The following MCF2 variants were observed in gnomAD, a reference collection of about 807,000 sequenced individuals.
MCF2 encodes proto-oncogene DBL.
A neutral mutation model predicts 82.5 loss-of-function variants in MCF2; 44 were observed. That is an observed-to-expected ratio of 0.53 (90% CI 0.42 to 0.69). The LOEUF is 0.69. Ranked by LOEUF, MCF2 falls within the 30% of genes least tolerant of loss-of-function variation. The pLI is 0.00. For missense variants in MCF2, 623 were observed against 663.1 expected, an observed-to-expected ratio of 0.94 and a Z score of 0.66; for synonymous variants, 217 against 224.9, an observed-to-expected ratio of 0.96 and a Z score of 0.32.
At chrX:139,644,302 A>G (rs372461095), upstream of MCF2, among the ~76,000 whole-genome samples, 3 of 112,219 alleles carry the variant, frequency 2.7e-5, no homozygotes, top group East Asian at 8.4e-4. Flanking sequence ...TAGCCATTCC[A>G]AAGTATAAAT....
intron 6 of MCF2, among the ~76,000 whole-genome samples, chrX:139,623,679 C>T (rs1411175872): frequency 6.8e-4 from 22 of 32,394 alleles, no homozygotes; most frequent in African/African-American, 4.1e-3. Flanking sequence ...ACAGTATACC[C>T]ATGTAACAGT....
chrX:139,707,917 T>C (rs1167282107), intron 1 of MCF2, among the ~76,000 whole-genome samples, 189 bp downstream of exon 1: 1 of 111,789 alleles, frequency 8.9e-6, no homozygotes, highest in African/African-American at 3.3e-5. Flanking sequence ...GATACACCTT[T>C]ACAAGAACTG....
Position 139,631,345 on chromosome X carries a change from G to C in MCF2, c.288+50C>G, listed in dbSNP as rs760010487. ...AAAGAATTCTAGAACTAGATTTAAAGGCTAACATGAAGAACTATAGGCTCT... is the reference window on the plus strand; with the variant it reads ...AAAGAATTCTAGAACTAGATTTAAACGCTAACATGAAGAACTATAGGCTCT... On this transcript the variant is annotated intron_variant, in intron 3 of 24. Coordinates refer to ENST00000370576, the Ensembl canonical transcript of MCF2. The C allele has an allele frequency of 2.7e-5, 19 of 696,314 alleles. 1 individual carries two copies. The South Asian group carries it at 6.6e-4, about 24-fold the overall frequency. 57.4% of individuals were successfully genotyped at this position (696,314 alleles called of 1,213,427 possible). A position where few individuals can be genotyped will look rare whatever the true frequency, so the allele number is the denominator to read the frequency against.
chrX:139,652,174 A>G, intron 1 of MCF2, among the ~76,000 whole-genome samples: 1 of 112,107 alleles, frequency 8.9e-6, no homozygotes. Flanking sequence ...AAGCTTTATT[A>G]GCAATTACAA....
chrX:139,668,338 T>C (rs765899031), intron 1 of MCF2, among the ~76,000 whole-genome samples: 27 of 111,835 alleles, frequency 2.4e-4, no homozygotes. Flanking sequence ...GCAAATAGTG[T>C]CTTGATGTAG....
upstream of MCF2, among the ~76,000 whole-genome samples, chrX:139,643,212 T>C (rs1298602761): frequency 8.9e-6 from 1 of 111,976 alleles, no homozygotes; most frequent in Non-Finnish European, 1.9e-5. Flanking sequence ...TCATTAATTA[T>C]GAAATACAAC....
intron 1 of MCF2, among the ~76,000 whole-genome samples, chrX:139,633,919 C>T (rs889578970): frequency 2.7e-5 from 3 of 110,965 alleles, no homozygotes; most frequent in Non-Finnish European, 3.8e-5. Context: ...ATGTACTTGC[C>T]GAGAAAGGAG....
chrX:139,650,975 T>G (rs1403850851), intron 2 of MCF2, among the ~76,000 whole-genome samples: 2 of 111,523 alleles, frequency 1.8e-5, no homozygotes, highest in African/African-American at 6.5e-5. Flanking sequence ...GTACCTAAGA[T>G]AGTCAAATTC....
At chrX:139,598,477 G>C (rs1930279362) in exon 17 of MCF2, 1 of 1,126,925 alleles carries the variant, frequency 8.9e-7, no homozygotes, top group African/African-American at 1.9e-5. Flanking sequence ...CTAAGTCTGT[G>C]TTTTAACTTT....
rs1182070757 is a variant in MCF2, at chrX:139,658,667, G to GTTTTTTT, written c.-44-6886_-44-6880dup. ...TGAAGCCTCTGCTAAAAAAAGATGTGTTTTTTTTTTTTTTTTTTTTTTTTT... is the reference window on the plus strand; with the variant it reads ...TGAAGCCTCTGCTAAAAAAAGATGTGTTTTTTTTTTTTTTTTTTTTTTTTTTTTTTTT... On this transcript the variant is annotated intron_variant, in intron 1 of 27. Transcript: ENST00000414978. 6.8e-3 allele frequency among the ~76,000 whole-genome samples: 387 copies of GTTTTTTT among 56,598 alleles called. 27 individuals carry two copies. Among genetic ancestry groups the GTTTTTTT allele is most frequent in the African/African-American group, 0.028 (364 of 12,841 alleles). The allele number at this position is 56,598 out of a possible 115,157, so 49.1% of individuals were successfully genotyped here.
At position 139,615,024 on chromosome X, in the gene MCF2, A is replaced by T. The variant is rs1471084238; in HGVS notation, c.1220T>A (p.Leu407His). ...CTCAAATATACTTCGAATGTTTTCA[A>T]GCTTGAGTTGTATAGTCTTCATTTG... Residue 407 changes from leucine to histidine, a missense_variant, in exon 10 of 25, where the codon CTT becomes CAT. Physicochemically the swap from Leu to His is moderately conservative, Grantham distance 99. Transcript: ENST00000370576. 3 of 1,207,315 alleles carry T rather than the reference A, an allele frequency of 2.5e-6. No homozygotes were observed. The Admixed American group carries it at 6.6e-5, about 26-fold the overall frequency.
chrX:139,594,202 C>A (rs1319806527), intron 19 of MCF2, among the ~76,000 whole-genome samples: 1 of 109,617 alleles, frequency 9.1e-6, no homozygotes, highest in Non-Finnish European at 1.9e-5. Flanking sequence ...CAATGACTTT[C>A]TTCACAGAAT....
At chrX:139,633,538 A>G (rs746716353) in intron 1 of MCF2, among the ~76,000 whole-genome samples, 1 of 111,105 alleles carries the variant, frequency 9.0e-6, no homozygotes, top group Admixed American at 9.6e-5. Flanking sequence ...CTTAATCACT[A>G]AACTACTCCA....
intron 24 of MCF2, among the ~76,000 whole-genome samples, 171 bp from the exon 29 acceptor site, chrX:139,582,674 C>CG (rs1323140283): frequency 9.0e-6 from 1 of 111,677 alleles, no homozygotes; most frequent in Non-Finnish European, 1.9e-5. Flanking sequence ...AATTATTGGA[C>CG]AAAGAGAGAG....
chrX:139,653,291 T>C (rs1329738268), intron 1 of MCF2, among the ~76,000 whole-genome samples: 1 of 111,987 alleles, frequency 8.9e-6, no homozygotes, highest in Non-Finnish European at 1.9e-5. Flanking sequence ...CCTGCAAAAG[T>C]GGCAATAGTT....
At chrX:139,700,213 C>G (rs1935462138) in intron 1 of MCF2, among the ~76,000 whole-genome samples, 1 of 111,424 alleles carries the variant, frequency 9.0e-6, no homozygotes, top group Non-Finnish European at 1.9e-5. Context: ...TTCCCTTTAA[C>G]CTGACCACTT....
upstream of MCF2, chrX:139,645,652 A>G (rs1411525888): frequency 8.6e-7 from 1 of 1,163,879 alleles, no homozygotes; most frequent in South Asian, 1.9e-5. Context: ...AGTCTGATCC[A>G]TTTTGCCTGA....
chrX:139,616,431 G>A lies in MCF2; in HGVS notation c.1042C>T (p.Gln348Ter). The A allele has an allele frequency of 8.6e-7, 1 of 1,166,748 alleles. No individual in the cohort carries two copies. Among genetic ancestry groups the A allele is most frequent in the Non-Finnish European group, 1.2e-6 (1 of 869,386 alleles). The stretch of plus-strand genomic sequence containing the variant: ...TTAGACTGAAACTTATCTATTTCCT[G>A]ATTAGCTAGAAGACATTCCCCTTCA... Residue 348 changes from glutamine (Q) to a stop codon, truncating the protein, a stop_gained, in exon 9 of 25, where the codon CAG (glutamine) becomes TAG (stop). Coordinates refer to ENST00000370576, the Ensembl canonical transcript of MCF2. LOFTEE classifies it high-confidence loss of function.
intron 10 of MCF2, 28 bp downstream of exon 14, chrX:139,613,188 G>T: frequency 9.3e-7 from 1 of 1,075,008 alleles, no homozygotes; most frequent in Non-Finnish European, 1.3e-6. Flanking sequence ...AAATGTATTG[G>T]CAAAAGTAAT....
Sources: allele counts gnomAD v4.1 joint callset (sites outside exome capture counted in the v4.1 genomes callset), GRCh38; gene constraint gnomAD v4.1.1; transcripts MANE v1.5; gene names NCBI Gene and HGNC (gene_info 2026-07-23, HGNC 2026-07-21).